Variants in MCMDC2 observed in about 807,000 individuals in gnomAD.
MCMDC2 encodes minichromosome maintenance domain containing 2, also known as minichromosome maintenance domain-containing protein 2.
Under a neutral mutation model 75.8 loss-of-function variants are expected in MCMDC2, and 54 were observed. That is an observed-to-expected ratio of 0.71 (90% CI 0.57 to 0.89). The LOEUF (loss-of-function observed/expected upper bound fraction) is 0.89. Among genes scored for constraint, MCMDC2 ranks in the 40% least tolerant of loss-of-function variants. The pLI is 0.00. For synonymous variants in MCMDC2, 249 were observed against 274.6 expected, an observed-to-expected ratio of 0.91 and a Z score of 0.92; for missense variants, 656 against 780.4, an observed-to-expected ratio of 0.84 and a Z score of 1.90.
intron 8 of MCMDC2, among the ~76,000 whole-genome samples, chr8:66,882,116 C>T (rs1811602482): frequency 1.3e-5 from 2 of 152,058 alleles, no homozygotes; most frequent in Non-Finnish European, 2.9e-5. Context: ...TGCTATTACC[C>T]CCAGACCCAG....
At chr8:66,897,250 A>G (rs1812398542) in intron 12 of MCMDC2, among the ~76,000 whole-genome samples, 1 of 151,940 alleles carries the variant, frequency 6.6e-6, no homozygotes, top group South Asian at 2.1e-4. Context: ...CTACCAAAAA[A>G]TACAAAAATT....
rs760279097 is a variant in MCMDC2 at position 66,880,905 on chromosome 8, A to G, written c.766A>G (p.Thr256Ala). 10 of 1,570,522 alleles carry G rather than the reference A, an allele frequency of 6.4e-6. No homozygotes were observed. The highest frequency in any genetic ancestry group is 4.1e-5 in the African/African-American group (3 of 73,574). Residue 256 changes from threonine to alanine, a missense_variant, in exon 8 of 15, where the codon ACC becomes GCC. Transcript: ENST00000422365. ...TGAATATAAAATTATTGGAATTCCA[A>G]CCTGTGTAAAAACCTCACAAACTGC... ...GNEYKIIGIP[T>A]CVKTSQTAVC...
intron 12 of MCMDC2, among the ~76,000 whole-genome samples, chr8:66,900,203 G>A (rs1025352644): frequency 4.6e-5 from 7 of 152,012 alleles, no homozygotes; most frequent in African/African-American, 9.7e-5. Context: ...TTGGGAGGCC[G>A]AGGTGGGCGG....
Position 66,884,161 on chromosome 8 carries a change from A to G in MCMDC2, c.1073+167A>G, listed in dbSNP as rs1372136596. On this transcript the variant is annotated intron_variant, in intron 9 of 14. Transcript: ENST00000422365. ...TTCAAAACCTTTGAAAGATAAATTGATAAGTGATAAGTTGAATTACTCCAA... is the reference window on the plus strand; with the variant it reads ...TTCAAAACCTTTGAAAGATAAATTGGTAAGTGATAAGTTGAATTACTCCAA... 2 of 588,104 alleles carry G rather than the reference A, an allele frequency of 3.4e-6. No homozygotes were observed. Among genetic ancestry groups the G allele is most frequent in the Middle Eastern group, 4.5e-4 (1 of 2,238 alleles). 36.4% of individuals were successfully genotyped at this position (588,104 alleles called of 1,614,324 possible).
chr8:66,895,433 C>G (rs1460425087), intron 10 of MCMDC2, among the ~76,000 whole-genome samples: 1 of 140,686 alleles, frequency 7.1e-6, no homozygotes, highest in Non-Finnish European at 1.5e-5. Flanking sequence ...GGGTCTTACT[C>G]TGTTGCCCTG....
At chr8:66,874,751 A>G (rs1327373024) in intron 4 of MCMDC2, among the ~76,000 whole-genome samples, 165 bp downstream of exon 4, 1 of 151,904 alleles carries the variant, frequency 6.6e-6, no homozygotes, top group African/African-American at 2.4e-5. Flanking sequence ...ATTATCCTTT[A>G]TAACATTAAA....
rs77082330 is a variant in MCMDC2 at position 66,908,551 on chromosome 8, G to A, written c.1879+3216G>A. ...TAATAAGATGAAAATATATGTCTTT[G>A]AATTGAAGAATTATAGTATTATTAT... On this transcript the variant is annotated intron_variant, in intron 14 of 14. Transcript: ENST00000422365. 6.9e-3 allele frequency among the ~76,000 whole-genome samples: 1,051 copies of A among 152,226 alleles called. 13 individuals are homozygous for A. Among genetic ancestry groups the A allele is most frequent in the African/African-American group, 0.023 (974 of 41,540 alleles).
chr8:66,923,008 G>T (rs1813610859), downstream of MCMDC2, among the ~76,000 whole-genome samples: 1 of 152,158 alleles, frequency 6.6e-6, no homozygotes, highest in African/African-American at 2.4e-5. Context: ...TTCCAAACTG[G>T]AAACAGGAGC....
intron 14 of MCMDC2, among the ~76,000 whole-genome samples, chr8:66,915,455 A>G: frequency 6.8e-6 from 1 of 147,822 alleles, no homozygotes; most frequent in East Asian, 1.9e-4. Context: ...CCGTCTCAAA[A>G]AAAAAAAAGT....
At chr8:66,918,864 CTTTTA>C in intron 14 of MCMDC2, 134 bp from the exon 15 acceptor site, 1 of 688,742 alleles carries the variant, frequency 1.5e-6, no homozygotes, top group East Asian at 3.2e-5. Context: ...AATTTTTTGA[CTTTTA>C]TTTTTCACAG....
At position 66,902,705 on chromosome 8, in the gene MCMDC2, A is replaced by AT. The variant is rs1554530670; in HGVS notation, c.1769+1357_1769+1358insT. On this transcript the variant is annotated intron_variant, in intron 13 of 14. Transcript: ENST00000422365. ...AAGATTCTGTCTCAAAAAAAAAAAAAAAAAAAATATATATATATATATATA... is the reference window on the plus strand; with the variant it reads ...AAGATTCTGTCTCAAAAAAAAAAAAATAAAAAAATATATATATATATATATA... Among the ~76,000 whole-genome samples the AT allele has an allele frequency of 3.1e-5, 4 of 127,858 alleles. No homozygotes were observed. In the East Asian group the frequency reaches 7.4e-4, roughly 24 times the overall value. 83.9% of individuals were successfully genotyped at this position (127,858 alleles called of 152,430 possible). A position where few individuals can be genotyped will look rare whatever the true frequency, so the allele number is the denominator to read the frequency against.
chr8:66,874,708 A>G (rs1811193370), intron 4 of MCMDC2, 122 bp downstream of exon 4: 1 of 832,132 alleles, frequency 1.2e-6, no homozygotes, highest in Non-Finnish European at 1.9e-6. Flanking sequence ...AAAATTCAAT[A>G]GAATATCTTA....
At chr8:66,884,022 A>G in intron 9 of MCMDC2, 28 bp downstream of exon 9, 1 of 1,435,130 alleles carries the variant, frequency 7.0e-7, no homozygotes, top group Non-Finnish European at 9.8e-7. Context: ...ATTTTTACAA[A>G]TATTAATTGG....
At position 66,919,680 on chromosome 8, in the gene MCMDC2, C is replaced by G. The variant is rs998206939; in HGVS notation, c.*511C>G. On this transcript the variant is annotated 3_prime_UTR_variant, in exon 15 of 15. Transcript: ENST00000422365. Reference sequence around the variant, plus strand: ...TGTAAGGCCTTTTCATACTTTATTACTGGCCTGTCCATTACATACTACTGT... The same window carrying G: ...TGTAAGGCCTTTTCATACTTTATTAGTGGCCTGTCCATTACATACTACTGT... 4 of 152,292 alleles carry G rather than the reference C, an allele frequency of 2.6e-5. No homozygotes were observed. The highest frequency in any genetic ancestry group is 5.9e-5 in the Non-Finnish European group (4 of 68,106). 9.4% of individuals were successfully genotyped at this position (152,292 alleles called of 1,614,324 possible).
intron 12 of MCMDC2, among the ~76,000 whole-genome samples, chr8:66,899,777 T>G (rs1812552365): frequency 6.6e-6 from 1 of 151,580 alleles, no homozygotes; most frequent in Non-Finnish European, 1.5e-5. Context: ...ATTACAGGTG[T>G]GAGCCACCGT....
intron 1 of MCMDC2, among the ~76,000 whole-genome samples, 166 bp downstream of exon 1, chr8:66,870,997 A>C (rs561120384): frequency 2.6e-5 from 4 of 152,332 alleles, no homozygotes; most frequent in South Asian, 2.1e-4. Context: ...CAGGGCACGG[A>C]GAGAAGACAG....
intron 14 of MCMDC2, among the ~76,000 whole-genome samples, chr8:66,918,239 ATTATT>A (rs1427881266): frequency 6.6e-6 from 1 of 151,670 alleles, no homozygotes; most frequent in African/African-American, 2.4e-5. Context: ...TTTTTTAATG[ATTATT>A]TTCTTACTGT....
rs201434824 is a variant in MCMDC2, at chr8:66,874,567, A to G, written c.266A>G (p.Gln89Arg). 1.2e-6 allele frequency: 2 copies of G among 1,612,944 alleles called. No homozygotes were observed. The highest frequency in any genetic ancestry group is 2.2e-5 in the East Asian group (1 of 44,810). Residue 89 changes from glutamine (Q) to arginine (R), a missense_variant, in exon 4 of 15, where the codon CAA becomes CGA. Gln to Arg is a conservative substitution (Grantham distance 43). Transcript: ENST00000422365. ...IAVKTLSLIG[Q>R]LQTETQINIV... ...GTTAAGACTCTCTCATTAATTGGAC[A>G]ATTGCAGACTGAAACGCAAGTAAGT...
intron 1 of MCMDC2, among the ~76,000 whole-genome samples, chr8:66,872,392 A>G (rs1364985758): frequency 6.6e-6 from 1 of 152,216 alleles, no homozygotes; most frequent in Admixed American, 6.5e-5. Flanking sequence ...ACCATCTTCA[A>G]TGAAAATGTC....
Sources: allele counts gnomAD v4.1 joint callset (sites outside exome capture counted in the v4.1 genomes callset), GRCh38; gene constraint gnomAD v4.1.1; transcripts MANE v1.5; gene names NCBI Gene and HGNC (gene_info 2026-07-23, HGNC 2026-07-21).